Variants in GALNT13 observed in about 807,000 individuals in gnomAD.
The protein encoded by GALNT13 is polypeptide N-acetylgalactosaminyltransferase 13, also known as UDP-GalNAc:polypeptide N-acetylgalactosaminyltransferase 13.
A neutral mutation model predicts 64.2 loss-of-function variants in GALNT13; 28 were observed. The ratio of observed to expected loss-of-function variants is 0.44; its 90% confidence interval spans 0.32 to 0.60. The LOEUF (loss-of-function observed/expected upper bound fraction) is 0.60, where lower values mean the gene tolerates loss of function less well. GALNT13 is among the 20% of genes least tolerant of loss of function. The pLI, the probability that GALNT13 is intolerant of heterozygous loss-of-function variation, is 0.05. For synonymous variants in GALNT13, 214 were observed against 224.6 expected, an observed-to-expected ratio of 0.95 and a Z score of 0.42; for missense variants, 577 against 669.8, an observed-to-expected ratio of 0.86 and a Z score of 1.53.
the GALNT13 span, among the ~76,000 whole-genome samples, chr2:153,587,265 AAAAT>A: frequency 6.6e-6 from 1 of 151,984 alleles, no homozygotes. Context: ...CAGAAATTAA[AAAAT>A]AAATAAATAA....
At chr2:154,261,439 G>A (rs75747762) in intron 8 of GALNT13, among the ~76,000 whole-genome samples, 3,320 of 152,106 alleles carry the variant, frequency 0.022, 83 homozygotes, top group African/African-American at 0.067. Flanking sequence ...TTTGCTTAAT[G>A]GTTTGTACTG....
At chr2:153,469,585 C>T in the GALNT13 span, among the ~76,000 whole-genome samples, 1 of 152,062 alleles carries the variant, frequency 6.6e-6, no homozygotes, top group Non-Finnish European at 1.5e-5. Context: ...TAAGCCAACT[C>T]TCTGGGTTAG....
the GALNT13 span, among the ~76,000 whole-genome samples, chr2:153,578,825 A>G: frequency 1.3e-5 from 2 of 152,172 alleles, no homozygotes; most frequent in African/African-American, 2.4e-5. Flanking sequence ...TCAAGTGTGC[A>G]AAACACATTG....
the GALNT13 span, among the ~76,000 whole-genome samples, chr2:153,856,395 C>T: frequency 8.6e-5 from 13 of 151,986 alleles, no homozygotes; most frequent in African/African-American, 2.4e-4. Flanking sequence ...TTTTAACACA[C>T]GTGATCAATA....
At chr2:153,356,866 C>T in the GALNT13 span, among the ~76,000 whole-genome samples, 4 of 139,318 alleles carry the variant, frequency 2.9e-5, no homozygotes, top group East Asian at 2.2e-4. Flanking sequence ...GGTGTGATCT[C>T]GGCTCACTGC....
chr2:153,080,048 G>A, the GALNT13 span, among the ~76,000 whole-genome samples: 1 of 152,132 alleles, frequency 6.6e-6, no homozygotes, highest in Admixed American at 6.6e-5. Flanking sequence ...TTTGCAAAGA[G>A]TTGTTCTTAG....
At chr2:153,076,273 G>A in the GALNT13 span, among the ~76,000 whole-genome samples, 6 of 152,092 alleles carry the variant, frequency 3.9e-5, no homozygotes, top group African/African-American at 1.4e-4. Context: ...AACGGTATAT[G>A]CGAATTTCTT....
chr2:153,873,403 C>A (rs963904172), intron 1 of GALNT13, among the ~76,000 whole-genome samples: 2 of 152,212 alleles, frequency 1.3e-5, no homozygotes, highest in African/African-American at 4.8e-5. Flanking sequence ...TCCCGCATAC[C>A]CGATTCTTTG....
chr2:154,240,151 A>G (rs1198539824), intron 4 of GALNT13, among the ~76,000 whole-genome samples: 2 of 152,218 alleles, frequency 1.3e-5, no homozygotes, highest in Non-Finnish European at 2.9e-5. Context: ...ACTTAAAATG[A>G]CATGACAGAA....
the GALNT13 span, among the ~76,000 whole-genome samples, chr2:153,562,645 C>T: frequency 0.015 from 2,237 of 152,124 alleles, 62 homozygotes; most frequent in African/African-American, 0.051. Context: ...CTAATAAATT[C>T]TCAGAAAATG....
chr2:154,307,738 T>C (rs1332453963), intron 9 of GALNT13, among the ~76,000 whole-genome samples: 1 of 152,182 alleles, frequency 6.6e-6, no homozygotes, highest in Non-Finnish European at 1.5e-5. Flanking sequence ...CTATGGCAGT[T>C]TTCACAAGTA....
chr2:153,820,261 A>G, the GALNT13 span, among the ~76,000 whole-genome samples: 1 of 152,218 alleles, frequency 6.6e-6, no homozygotes, highest in Admixed American at 6.5e-5. Flanking sequence ...CATACAAATT[A>G]TTGGCATCCC....
chr2:154,415,238 TG>T (rs1477838108), intron 11 of GALNT13, among the ~76,000 whole-genome samples: 1 of 152,038 alleles, frequency 6.6e-6, no homozygotes, highest in East Asian at 1.9e-4. Flanking sequence ...AACTAATCAC[TG>T]TAACAATTTT....
the GALNT13 span, among the ~76,000 whole-genome samples, chr2:153,521,773 A>G: frequency 6.6e-6 from 1 of 152,076 alleles, no homozygotes; most frequent in African/African-American, 2.4e-5. Context: ...AGAATGTCAT[A>G]TAGTTGGAAT....
the GALNT13 span, among the ~76,000 whole-genome samples, chr2:153,342,550 A>G: frequency 2.6e-5 from 4 of 152,258 alleles, no homozygotes; most frequent in Non-Finnish European, 5.9e-5. Context: ...TAAAGGAGCT[A>G]TTTGACTTTA....
intron 4 of GALNT13, among the ~76,000 whole-genome samples, chr2:154,177,112 A>G (rs894593988): frequency 2.6e-5 from 4 of 152,196 alleles, no homozygotes; most frequent in Non-Finnish European, 5.9e-5. Context: ...ATTTAAACTT[A>G]GAAAGATTTT....
At chr2:154,094,520 T>C (rs1352094264) in intron 3 of GALNT13, among the ~76,000 whole-genome samples, 1 of 152,024 alleles carries the variant, frequency 6.6e-6, no homozygotes, top group African/African-American at 2.4e-5. Flanking sequence ...AAATGCTTAT[T>C]TTTGTGAGAA....
At chr2:153,581,363 T>C in the GALNT13 span, among the ~76,000 whole-genome samples, 4 of 152,086 alleles carry the variant, frequency 2.6e-5, no homozygotes, top group Non-Finnish European at 5.9e-5. Context: ...TCATGTTTCT[T>C]TTTTTCCCAC....
chr2:153,325,122 T>TTTGTTTTTG, the GALNT13 span, among the ~76,000 whole-genome samples: 1,087 of 144,002 alleles, frequency 7.5e-3, 18 homozygotes, highest in East Asian at 0.067. Context: ...GGGTTTTTTT[T>TTTGTTTTTG]TTTTTTTTTT....
Sources: allele counts gnomAD v4.1 joint callset (sites outside exome capture counted in the v4.1 genomes callset), GRCh38; gene constraint gnomAD v4.1.1; transcripts MANE v1.5; gene names NCBI Gene and HGNC (gene_info 2026-07-23, HGNC 2026-07-21).